GPD1L: variants seen among roughly 807,000 people sequenced by gnomAD.
GPD1L encodes glycerol-3-phosphate dehydrogenase 1 like.
A neutral mutation model predicts 32.9 loss-of-function variants in GPD1L; 17 were observed. That is an observed-to-expected ratio of 0.52 (90% confidence interval 0.35 to 0.78). The LOEUF is 0.78. Among genes scored for constraint, GPD1L ranks in the 30% least tolerant of loss-of-function variants. GPD1L has a pLI of 0.01. For missense variants in GPD1L, 361 were observed against 447.8 expected, an observed-to-expected ratio of 0.81 and a Z score of 1.75; for synonymous variants, 187 against 165.9, an observed-to-expected ratio of 1.13 and a Z score of -0.98.
chr3:32,140,320 C>A lies in GPD1L; in HGVS notation c.459C>A (p.Asn153Lys). 1 of 1,614,174 alleles carries A rather than the reference C, an allele frequency of 6.2e-7. No individual in the cohort carries two copies. The highest frequency in any genetic ancestry group is 8.5e-7 in the Non-Finnish European group (1 of 1,180,002). The change falls in exon 4 of 8, where the codon AAC (asparagine) becomes AAA (lysine). Residue 153 changes from asparagine (N) to lysine (K), a missense_variant. Asn to Lys is a moderately conservative substitution (Grantham distance 94). Transcript: ENST00000282541. The part of the protein sequence containing the change: ...GIDISVLMGA[N>K]IANEVAAEKF... ...ACATCAGTGTGCTGATGGGAGCCAA[C>A]ATTGCCAATGAGGTGGCTGCAGAGA...
intron 1 of GPD1L, among the ~76,000 whole-genome samples, chr3:32,123,689 A>G (rs1320485555): frequency 6.6e-6 from 1 of 152,110 alleles, no homozygotes; most frequent in Non-Finnish European, 1.5e-5. Context: ...AAAATGCGGG[A>G]GTCGAAAGAC....
At chr3:32,159,865 C>T (rs72546646) in intron 7 of GPD1L, among the ~76,000 whole-genome samples, 191 bp downstream of exon 7, 21 of 152,176 alleles carry the variant, frequency 1.4e-4, no homozygotes, top group Non-Finnish European at 2.2e-4. Context: ...CATGTGTTTA[C>T]ACAAAACCAG....
intron 1 of GPD1L, among the ~76,000 whole-genome samples, chr3:32,119,060 A>G (rs1700370500): frequency 6.6e-6 from 1 of 152,226 alleles, no homozygotes; most frequent in Non-Finnish European, 1.5e-5. Context: ...AATTGTGAAT[A>G]GTGTTGCTAT....
At chr3:32,132,818 C>G (rs1233583953) in intron 2 of GPD1L, among the ~76,000 whole-genome samples, 1 of 152,116 alleles carries the variant, frequency 6.6e-6, no homozygotes, top group Non-Finnish European at 1.5e-5. Flanking sequence ...TGGTGTTGTA[C>G]TGGGGAATCC....
chr3:32,158,696 G>T, intron 5 of GPD1L, 180 bp from the exon 6 acceptor site: 1 of 1,377,904 alleles, frequency 7.3e-7, no homozygotes, highest in Non-Finnish European at 9.7e-7. Flanking sequence ...TGGAAGCCCT[G>T]TCTCTCCTTT....
At chr3:32,121,660 T>TAGAA (rs1234360488) in intron 1 of GPD1L, among the ~76,000 whole-genome samples, 13 of 141,294 alleles carry the variant, frequency 9.2e-5, no homozygotes, top group Non-Finnish European at 1.8e-4. Flanking sequence ...TATATATTTC[T>TAGAA]ATATATATTT....
chr3:32,114,247 T>C (rs9874858), intron 1 of GPD1L, among the ~76,000 whole-genome samples: 62,761 of 152,072 alleles, frequency 0.41, 14,704 homozygotes, highest in East Asian at 0.64. Context: ...CCACATGTCT[T>C]TCATCCTTCA....
chr3:32,110,701 G>A (rs1260544061), intron 1 of GPD1L, among the ~76,000 whole-genome samples: 2 of 152,220 alleles, frequency 1.3e-5, no homozygotes, highest in African/African-American at 4.8e-5. Flanking sequence ...GCTAGAGGAG[G>A]GGCCGTCATG....
At chr3:32,165,113 G>T (rs997612972) in intron 7 of GPD1L, among the ~76,000 whole-genome samples, 16 of 152,210 alleles carry the variant, frequency 1.1e-4, no homozygotes, top group African/African-American at 3.6e-4. Flanking sequence ...GACTGAGGCA[G>T]CAGAATCGCT....
chr3:32,117,467 A>G (rs186386315), intron 1 of GPD1L, among the ~76,000 whole-genome samples: 296 of 115,128 alleles, frequency 2.6e-3, no homozygotes, highest in African/African-American at 9.1e-3. Flanking sequence ...TGTAGAGCTC[A>G]GGTTTGAAAG....
chr3:32,120,416 G>T (rs1222187012), intron 1 of GPD1L, among the ~76,000 whole-genome samples: 1 of 152,148 alleles, frequency 6.6e-6, no homozygotes, highest in Non-Finnish European at 1.5e-5. Flanking sequence ...AAAAAGTTCA[G>T]GGAAATTTAA....
At position 32,140,366 on chromosome 3, in the gene GPD1L, G is replaced by GGCAGCAAA; in HGVS notation, c.505+1_505+2insCAGCAAAG. On this transcript the variant is annotated frameshift_variant and splice_region_variant. Coordinates refer to ENST00000282541, the MANE Select transcript of GPD1L (RefSeq NM_015141.4). LOFTEE classifies it high-confidence loss of function. ...AGAGAAGTTCTGTGAGACCACCATC[G>GGCAGCAAA]GTAAGCACTGCCTGGGAGGGACCCC... The GGCAGCAAA allele has an allele frequency of 6.2e-7, 1 of 1,614,092 alleles. No homozygotes were observed. The highest frequency in any genetic ancestry group is 1.3e-5 in the African/African-American group (1 of 75,020).
intron 1 of GPD1L, among the ~76,000 whole-genome samples, chr3:32,114,907 T>C (rs1192124830): frequency 6.6e-6 from 1 of 152,176 alleles, no homozygotes; most frequent in Non-Finnish European, 1.5e-5. Flanking sequence ...GGGTTTGTGG[T>C]CTCGCTTACT....
chr3:32,156,830 G>A (rs1387578581), intron 5 of GPD1L, among the ~76,000 whole-genome samples: 1 of 152,092 alleles, frequency 6.6e-6, no homozygotes, highest in African/African-American at 2.4e-5. Context: ...TAGGCCTGAT[G>A]TTTTAAGAAA....
At chr3:32,154,069 C>T (rs1009635295) in intron 5 of GPD1L, among the ~76,000 whole-genome samples, 4 of 152,068 alleles carry the variant, frequency 2.6e-5, no homozygotes, top group African/African-American at 7.2e-5. Flanking sequence ...TGTTCAAACA[C>T]GCTCTGACTG....
intron 7 of GPD1L, among the ~76,000 whole-genome samples, chr3:32,160,720 T>C (rs75750727): frequency 0.11 from 16,297 of 152,094 alleles, 969 homozygotes; most frequent in African/African-American, 0.12. Context: ...AAGGTGGGCT[T>C]AAGTCAGTTT....
At chr3:32,113,148 G>A (rs1026704932) in intron 1 of GPD1L, among the ~76,000 whole-genome samples, 2 of 129,648 alleles carry the variant, frequency 1.5e-5, no homozygotes, top group Non-Finnish European at 3.1e-5. Context: ...TCCCACCAAT[G>A]TAGTCATCCC....
intron 6 of GPD1L, 135 bp downstream of exon 6, chr3:32,159,244 T>C: frequency 1.4e-6 from 1 of 696,822 alleles, no homozygotes; most frequent in Non-Finnish European, 2.5e-6. Context: ...GGCTGCTTTT[T>C]CACTTGACTC....
chr3:32,130,712 T>C (rs1346817036), intron 2 of GPD1L, among the ~76,000 whole-genome samples: 1 of 145,322 alleles, frequency 6.9e-6, no homozygotes, highest in Non-Finnish European at 1.5e-5. Flanking sequence ...GGCTCACACC[T>C]GTAATCCCAG....
Sources: allele counts gnomAD v4.1 joint callset (sites outside exome capture counted in the v4.1 genomes callset), GRCh38; gene constraint gnomAD v4.1.1; transcripts MANE v1.5; gene names NCBI Gene and HGNC (gene_info 2026-07-23, HGNC 2026-07-21).